Variants in UNC13B observed in about 807,000 individuals in gnomAD.
UNC13B encodes protein unc-13 homolog B.
Under a neutral mutation model 211.0 loss-of-function variants are expected in UNC13B, and 144 were observed. That is an observed-to-expected ratio of 0.68 (90% CI 0.60 to 0.78). The LOEUF (loss-of-function observed/expected upper bound fraction) is 0.78, where lower values mean the gene tolerates loss of function less well. Ranked by LOEUF, UNC13B falls within the 30% of genes least tolerant of loss-of-function variation. UNC13B has a pLI of 0.00. For missense variants in UNC13B, 1,777 were observed against 2,002.0 expected, an observed-to-expected ratio of 0.89 and a Z score of 2.14; for synonymous variants, 709 against 725.8, an observed-to-expected ratio of 0.98 and a Z score of 0.37.
chr9:35,353,281 C>T, intron 11 of UNC13B: 4 of 1,232,204 alleles, frequency 3.2e-6, no homozygotes, highest in Non-Finnish European at 4.0e-6. Flanking sequence ...GTAAACTGGG[C>T]CGAGCAATTC....
At chr9:35,296,048 G>A (rs1587561397) in intron 8 of UNC13B, 118 bp downstream of exon 8, 5 of 866,156 alleles carry the variant, frequency 5.8e-6, no homozygotes, top group Non-Finnish European at 8.9e-6. Flanking sequence ...CAGTATCACC[G>A]GCCAAACTAC....
intron 5 of UNC13B, among the ~76,000 whole-genome samples, chr9:35,238,871 T>G (rs920282854): frequency 2.7e-4 from 41 of 151,888 alleles, no homozygotes; most frequent in Non-Finnish European, 5.0e-4. Flanking sequence ...CATAATTTAT[T>G]TAAGTAATCC....
chr9:35,180,261 A>AT (rs1004948009), intron 1 of UNC13B, among the ~76,000 whole-genome samples: 7 of 151,296 alleles, frequency 4.6e-5, no homozygotes, highest in Non-Finnish European at 7.4e-5. Flanking sequence ...GGAGAAATTA[A>AT]TTTTTTTTTC....
At chr9:35,258,724 A>G (rs1827084133) in intron 6 of UNC13B, among the ~76,000 whole-genome samples, 1 of 152,238 alleles carries the variant, frequency 6.6e-6, no homozygotes, top group African/African-American at 2.4e-5. Context: ...TGGCAGAGCT[A>G]GGTGGGTGCC....
intron 11 of UNC13B, among the ~76,000 whole-genome samples, chr9:35,351,100 T>C (rs549183802): frequency 8.5e-5 from 13 of 152,360 alleles, no homozygotes; most frequent in East Asian, 7.7e-4. Flanking sequence ...TAATTTTACA[T>C]TGATACTCTA....
intron 7 of UNC13B, among the ~76,000 whole-genome samples, chr9:35,294,793 C>T (rs1039539437): frequency 3.9e-5 from 6 of 152,144 alleles, no homozygotes; most frequent in African/African-American, 1.4e-4. Flanking sequence ...CTCTGTAAAA[C>T]AGGCTTCAAA....
At position 35,398,660 on chromosome 9, in the gene UNC13B, A is replaced by C. The variant is rs771383071; in HGVS notation, c.11921+18A>C. ...GGAAACAGGTCAGTGACCCCACAAT[A>C]CAAGGCCCTCAGAGCCAGATGTGGT... On this transcript the variant is annotated intron_variant, in intron 32 of 39. Coordinates refer to ENST00000635942, the MANE Select transcript of UNC13B (RefSeq NM_001371189.2). 2.5e-6 allele frequency: 4 copies of C among 1,613,324 alleles called. No homozygotes were observed. Among genetic ancestry groups the C allele is most frequent in the Non-Finnish European group, 3.4e-6 (4 of 1,179,672 alleles).
intron 11 of UNC13B, among the ~76,000 whole-genome samples, chr9:35,336,294 T>C (rs958660350): frequency 4.6e-5 from 7 of 152,060 alleles, no homozygotes; most frequent in African/African-American, 1.7e-4. Context: ...TCCTCTTCTA[T>C]ATATCCTTTC....
At chr9:35,398,321 T>TC (rs1336570168) in intron 31 of UNC13B, 33 bp downstream of exon 31, 1 of 1,599,180 alleles carries the variant, frequency 6.3e-7, no homozygotes, top group Admixed American at 1.7e-5. Flanking sequence ...CACTGTATTT[T>TC]CCCTTTATTC....
At chr9:35,340,076 C>T (rs187258571) in intron 11 of UNC13B, among the ~76,000 whole-genome samples, 10 of 152,294 alleles carry the variant, frequency 6.6e-5, no homozygotes, top group African/African-American at 2.2e-4. Context: ...AACCTTTTAC[C>T]TCCTTCTCCT....
intron 11 of UNC13B, among the ~76,000 whole-genome samples, chr9:35,334,707 TA>T (rs1298485700): frequency 1.3e-5 from 2 of 152,234 alleles, no homozygotes; most frequent in East Asian, 3.8e-4. Context: ...TGATACTTAG[TA>T]AAAACTCAGC....
chr9:35,318,065 C>CAG (rs34226383), intron 11 of UNC13B, among the ~76,000 whole-genome samples: 54,599 of 151,704 alleles, frequency 0.36, 10,276 homozygotes, highest in African/African-American at 0.47. Flanking sequence ...TATAATAATT[C>CAG]AGTCTCTCAA....
At chr9:35,194,010 A>G (rs1448397134) in intron 1 of UNC13B, among the ~76,000 whole-genome samples, 1 of 151,886 alleles carries the variant, frequency 6.6e-6, no homozygotes, top group Non-Finnish European at 1.5e-5. Context: ...GGTCAGAGAG[A>G]GACCTGGAAA....
Position 35,332,007 on chromosome 9 carries a change from G to A in UNC13B, c.9414+18018G>A, listed in dbSNP as rs954397883. On this transcript the variant is annotated intron_variant, in intron 11 of 39. Transcript: ENST00000635942. ...CAACTAGCCTTTTTTTTTTTTGAAC[G>A]GAGTCTTGCTCTTGCCCAGGCTGGA... 4.7e-5 allele frequency among the ~76,000 whole-genome samples: 7 copies of A among 150,122 alleles called. No homozygotes were observed. In the South Asian group the frequency reaches 6.3e-4, roughly 14 times the overall value.
chr9:35,256,839 G>A (rs1365670624), intron 6 of UNC13B, among the ~76,000 whole-genome samples: 2 of 151,930 alleles, frequency 1.3e-5, no homozygotes, highest in South Asian at 2.1e-4. Flanking sequence ...AATGAAATTG[G>A]CCTGTAATTT....
chr9:35,282,729 C>G (rs549471381), intron 7 of UNC13B, among the ~76,000 whole-genome samples: 2 of 152,284 alleles, frequency 1.3e-5, no homozygotes, highest in East Asian at 3.9e-4. Context: ...GCCACCATGC[C>G]TGATCATGTC....
chr9:35,262,806 C>T (rs1827355734), intron 7 of UNC13B, among the ~76,000 whole-genome samples: 1 of 152,014 alleles, frequency 6.6e-6, no homozygotes, highest in Non-Finnish European at 1.5e-5. Context: ...GTGGTGCATA[C>T]CTGTAGTCCC....
At chr9:35,370,791 G>A (rs1834067813) in intron 13 of UNC13B, among the ~76,000 whole-genome samples, 1 of 152,218 alleles carries the variant, frequency 6.6e-6, no homozygotes, top group African/African-American at 2.4e-5. Flanking sequence ...GGAGCTTGAT[G>A]CCTTCTTGGA....
At chr9:35,337,579 G>A (rs916147987) in intron 11 of UNC13B, among the ~76,000 whole-genome samples, 3 of 152,144 alleles carry the variant, frequency 2.0e-5, no homozygotes, top group Admixed American at 6.5e-5. Flanking sequence ...TGAAGGATAC[G>A]CCTTCATTAA....
Sources: gnomAD v4.1 joint callset for allele counts (sites outside exome capture counted in the v4.1 genomes callset) on GRCh38, gnomAD v4.1.1 for gene constraint, MANE v1.5 for transcripts, NCBI Gene and HGNC (gene_info 2026-07-23, HGNC 2026-07-21) for gene names.